Variants in DMD observed in about 807,000 individuals in gnomAD.
DMD encodes dystrophin, also known as mutant dystrophin.
DMD carries 63 observed loss-of-function variants against 330.1 expected under a neutral mutation model. The ratio of observed to expected loss-of-function variants is 0.19; its 90% CI spans 0.16 to 0.24. DMD has a LOEUF of 0.24. DMD is among the 10% of genes least tolerant of loss of function. The probability of loss-of-function intolerance (pLI) is 1.00; values close to 1 mark genes in which losing one functional copy is unlikely to be tolerated. For missense variants in DMD, 3,344 were observed against 2,684.1 expected (o/e 1.25, Z -5.43); for synonymous variants, 1,223 against 959.8 (o/e 1.27, Z -5.07).
intron 7 of DMD, among the ~76,000 whole-genome samples, chrX:32,743,709 T>C (rs1295327730): frequency 1.8e-5 from 2 of 111,110 alleles, no homozygotes; most frequent in African/African-American, 6.5e-5. Flanking sequence ...TTGCTCTCAG[T>C]AGAACATTAA....
intron 61 of DMD, among the ~76,000 whole-genome samples, chrX:31,331,496 C>T (rs934083611): frequency 5.4e-5 from 6 of 110,151 alleles, no homozygotes; most frequent in African/African-American, 2.0e-4. Context: ...AAAAACATCA[C>T]GGTGATTATT....
Position 32,551,418 on chromosome X carries a change from C to T in DMD, c.1993-6084G>A, listed in dbSNP as rs773186586. Among the ~76,000 whole-genome samples, 6 of 111,437 alleles carry T rather than the reference C, an allele frequency of 5.4e-5. No individual in the cohort carries two copies. In the South Asian group the frequency reaches 2.2e-3, roughly 42 times the overall value. On this transcript the variant is annotated intron_variant, in intron 16 of 78. Coordinates refer to ENST00000357033, the MANE Select transcript of DMD (RefSeq NM_004006.3). ...ATCATTTCAGTAGATATAGAAAAGG[C>T]ATCCTATAAAATTCAACACCCTTTC...
At position 32,821,823 on chromosome X, in the gene DMD, A is replaced by G. The variant is rs138717339; in HGVS notation, c.357+1472T>C. The stretch of plus-strand genomic sequence containing the variant: ...GGGTGGGAGTGAAAAATGACTGTAA[A>G]TGGAGAAGAAACTTCTTTTTAAGGT... On this transcript the variant is annotated intron_variant, in intron 5 of 78. Coordinates refer to ENST00000357033, the MANE Select transcript of DMD (RefSeq NM_004006.3). Among the ~76,000 whole-genome samples, 467 of 110,388 alleles carry G rather than the reference A, an allele frequency of 4.2e-3. 1 individual carries two copies. The highest frequency in any genetic ancestry group is 0.015 in the African/African-American group (447 of 30,352).
rs186971783 is a variant in DMD, at chrX:32,650,268, C to G, written c.961-5116G>C. On this transcript the variant is annotated intron_variant, in intron 9 of 78. Coordinates refer to ENST00000357033, the MANE Select transcript of DMD (RefSeq NM_004006.3). ...CTTAAAGTATGATACGACTGTTAACCTGGATCAAAAACAGTTTTATTGGTC... is the reference window on the plus strand; with the variant it reads ...CTTAAAGTATGATACGACTGTTAACGTGGATCAAAAACAGTTTTATTGGTC... 6.3e-4 allele frequency among the ~76,000 whole-genome samples: 70 copies of G among 111,788 alleles called. 1 individual carries two copies. Among genetic ancestry groups the G allele is most frequent in the Non-Finnish European group, 1.1e-3 (61 of 53,165 alleles).
chrX:33,194,834 C>A (rs2148807968), intron 1 of DMD, among the ~76,000 whole-genome samples: 1 of 111,194 alleles, frequency 9.0e-6, no homozygotes, highest in South Asian at 3.8e-4. Context: ...TTTAAAAATT[C>A]ATTATTACAT....
chrX:31,472,177 G>A (rs1411317120), intron 59 of DMD, among the ~76,000 whole-genome samples: 1 of 112,373 alleles, frequency 8.9e-6, no homozygotes, highest in African/African-American at 3.2e-5. Context: ...ACTATAGGCA[G>A]TATACCTTAT....
chrX:31,340,975 A>T (rs753996847), intron 61 of DMD, among the ~76,000 whole-genome samples: 8 of 112,194 alleles, frequency 7.1e-5, no homozygotes, highest in Non-Finnish European at 1.3e-4. Flanking sequence ...GAGCCGTTCT[A>T]ATGTGCAAAA....
At chrX:31,486,710 A>G (rs950619424) in intron 57 of DMD, among the ~76,000 whole-genome samples, 7 of 111,940 alleles carry the variant, frequency 6.3e-5, no homozygotes, top group South Asian at 7.4e-4. Context: ...ATAGAACAAG[A>G]TGTTAACAGT....
At chrX:31,204,412 C>T (rs1027740028) in intron 66 of DMD, among the ~76,000 whole-genome samples, 4 of 112,478 alleles carry the variant, frequency 3.6e-5, no homozygotes, top group African/African-American at 1.3e-4. Flanking sequence ...GAACATAATC[C>T]TTGGGAATTA....
At chrX:31,872,280 C>T (rs1432599566) in intron 48 of DMD, among the ~76,000 whole-genome samples, 1 of 111,151 alleles carries the variant, frequency 9.0e-6, no homozygotes, top group African/African-American at 3.3e-5. Context: ...TATCATGACT[C>T]TCAGAAACTA....
intron 34 of DMD, among the ~76,000 whole-genome samples, chrX:32,369,213 TCAAA>T (rs1322018383): frequency 8.9e-6 from 1 of 111,824 alleles, no homozygotes; most frequent in Non-Finnish European, 1.9e-5. Context: ...TTCCATGATT[TCAAA>T]CAAATTTGCT....
At chrX:31,150,282 T>C (rs1284610606) in intron 74 of DMD, among the ~76,000 whole-genome samples, 1 of 112,223 alleles carries the variant, frequency 8.9e-6, no homozygotes, top group African/African-American at 3.2e-5. Context: ...TTTTTCTTCC[T>C]AATAATGTTG....
At chrX:32,414,953 T>C (rs1319362927) in intron 29 of DMD, among the ~76,000 whole-genome samples, 1 of 111,882 alleles carries the variant, frequency 8.9e-6, no homozygotes, top group African/African-American at 3.2e-5. Context: ...ATAACAGTGT[T>C]CAGGGCTATA....
chrX:32,734,012 G>T (rs1283785638), intron 7 of DMD, among the ~76,000 whole-genome samples: 1 of 106,651 alleles, frequency 9.4e-6, no homozygotes, highest in Non-Finnish European at 1.9e-5. Flanking sequence ...TAGATAGACT[G>T]CTAGCAAGAC....
chrX:31,154,973 A>C (rs1450276434), intron 74 of DMD, among the ~76,000 whole-genome samples: 1 of 112,128 alleles, frequency 8.9e-6, no homozygotes, highest in Non-Finnish European at 1.9e-5. Context: ...CCATTCTACA[A>C]ATATGTAGAT....
Position 32,565,874 on chromosome X carries a change from T to A in DMD, c.1820A>T (p.Lys607Ile). 1 of 1,209,530 alleles carries A rather than the reference T, an allele frequency of 8.3e-7. No homozygotes were observed. The highest frequency in any genetic ancestry group is 1.1e-6 in the Non-Finnish European group (1 of 893,777). ...LSSLQKLAVL[K>I]ADLEKKKQSM... ...TTGCTTTTTCTTTTCTAGATCCGCT[T>A]TTAAAACCTGTTAAAACAAGAAAGA... Residue 607 changes from lysine to isoleucine, a missense_variant, in exon 16 of 79, where the codon AAA becomes ATA. Coordinates refer to ENST00000357033, the MANE Select transcript of DMD (RefSeq NM_004006.3).
At chrX:32,184,465 G>A (rs187724998) in intron 44 of DMD, among the ~76,000 whole-genome samples, 1 of 111,116 alleles carries the variant, frequency 9.0e-6, no homozygotes, top group African/African-American at 3.3e-5. Flanking sequence ...TATTCAAATA[G>A]GTGAGTAGAA....
chrX:33,221,361 GT>G, intron 1 of DMD, among the ~76,000 whole-genome samples: 1 of 111,217 alleles, frequency 9.0e-6, no homozygotes, highest in East Asian at 2.8e-4. Context: ...GCAAGACCAG[GT>G]TTTAAAGATA....
At chrX:31,825,705 A>G (rs983654824) in intron 49 of DMD, among the ~76,000 whole-genome samples, 1 of 111,959 alleles carries the variant, frequency 8.9e-6, no homozygotes, top group Non-Finnish European at 1.9e-5. Context: ...GTATCACTAA[A>G]CAGAGCAAAA....
Sources: allele counts gnomAD v4.1 joint callset (sites outside exome capture counted in the v4.1 genomes callset), GRCh38; gene constraint gnomAD v4.1.1; transcripts MANE v1.5; gene names NCBI Gene and HGNC (gene_info 2026-07-23, HGNC 2026-07-21).